Variants in PDCD1LG2 observed in about 807,000 individuals in gnomAD.
The protein encoded by PDCD1LG2 is programmed cell death 1 ligand 2.
Under a neutral mutation model 28.2 loss-of-function variants are expected in PDCD1LG2, and 32 were observed. The observed-to-expected ratio is 1.13, with a 90% CI of 0.86 to 1.52. The LOEUF is 1.52. PDCD1LG2 is among the 40% of genes most tolerant of loss of function. PDCD1LG2 has a pLI of 0.00. For synonymous variants in PDCD1LG2, 116 were observed against 120.2 expected (o/e 0.97, Z 0.23); for missense variants, 385 against 323.8 (o/e 1.19, Z -1.45).
At chr9:5,526,046 C>CAA (rs375299943) in intron 2 of PDCD1LG2, among the ~76,000 whole-genome samples, 52,520 of 117,366 alleles carry the variant, frequency 0.45, 11,376 homozygotes, top group East Asian at 0.63. Context: ...GACTCCGTCT[C>CAA]AAAAAAAAAA....
At chr9:5,556,832 T>A (rs1002515277) in intron 4 of PDCD1LG2, among the ~76,000 whole-genome samples, 2 of 152,184 alleles carry the variant, frequency 1.3e-5, no homozygotes, top group African/African-American at 4.8e-5. Flanking sequence ...TAGCCCTGCC[T>A]TTTGTCAGTC....
chr9:5,525,301 T>C (rs1225618105), intron 2 of PDCD1LG2, among the ~76,000 whole-genome samples: 3 of 149,946 alleles, frequency 2.0e-5, no homozygotes, highest in Non-Finnish European at 2.9e-5. Flanking sequence ...GCTAAGATCA[T>C]GTCACTGTAT....
chr9:5,544,348 G>C (rs572049042), intron 3 of PDCD1LG2, among the ~76,000 whole-genome samples: 2 of 152,342 alleles, frequency 1.3e-5, no homozygotes, highest in East Asian at 3.9e-4. Context: ...AAAGTCACTT[G>C]ACAGACACTG....
chr9:5,514,974 G>A (rs1016569146), intron 1 of PDCD1LG2, among the ~76,000 whole-genome samples: 1 of 152,102 alleles, frequency 6.6e-6, no homozygotes, highest in African/African-American at 2.4e-5. Flanking sequence ...AGATCTTAGT[G>A]AAGTTAGTGA....
At chr9:5,522,737 A>C in intron 2 of PDCD1LG2, 136 bp downstream of exon 2, 2 of 673,798 alleles carry the variant, frequency 3.0e-6, no homozygotes, top group Non-Finnish European at 4.9e-6. Context: ...TATTCCAAGC[A>C]CCACAAAAAA....
chr9:5,546,828 G>C (rs1200538639), intron 3 of PDCD1LG2, among the ~76,000 whole-genome samples: 1 of 152,316 alleles, frequency 6.6e-6, no homozygotes, highest in East Asian at 1.9e-4. Context: ...AAAGATGTCA[G>C]AGCTTTTTGG....
chr9:5,514,917 G>C (rs192434007), intron 1 of PDCD1LG2, among the ~76,000 whole-genome samples: 4 of 152,198 alleles, frequency 2.6e-5, no homozygotes, highest in East Asian at 3.9e-4. Context: ...TTATGAAGGA[G>C]GTAGCCCTGA....
chr9:5,532,050 C>G (rs1820493587), intron 2 of PDCD1LG2, among the ~76,000 whole-genome samples: 1 of 152,084 alleles, frequency 6.6e-6, no homozygotes. Flanking sequence ...TAAGAGGGTC[C>G]CATTATGGAG....
At chr9:5,567,883 C>A (rs1816695746) in intron 6 of PDCD1LG2, among the ~76,000 whole-genome samples, 1 of 152,150 alleles carries the variant, frequency 6.6e-6, no homozygotes, top group Admixed American at 6.5e-5. Context: ...TGGGTTAAAA[C>A]AAAAAGAAGC....
rs79972084 is a variant in PDCD1LG2, at chr9:5,535,123, T to C, written c.361+73T>C. On this transcript the variant is annotated intron_variant, in intron 3 of 6. Transcript: ENST00000397747. ...AGGATCTGCAAGTCACAGAAACCCATTAAAGGTAGCTCAAGCAAAAACAAG... is the reference window on the plus strand; with the variant it reads ...AGGATCTGCAAGTCACAGAAACCCACTAAAGGTAGCTCAAGCAAAAACAAG... The C allele has an allele frequency of 0.017, 23,666 of 1,377,730 alleles. 2,989 individuals are homozygous for C. In the African/African-American group the frequency reaches 0.29, roughly 17 times the overall value. The allele number at this position is 1,377,730 out of a possible 1,614,324, so 85.3% of individuals were successfully genotyped here.
chr9:5,542,930 C>G (rs1005324782), intron 3 of PDCD1LG2, among the ~76,000 whole-genome samples: 1 of 152,054 alleles, frequency 6.6e-6, no homozygotes, highest in Non-Finnish European at 1.5e-5. Context: ...GGAACCAGCC[C>G]AAATGCCCAT....
intron 3 of PDCD1LG2, among the ~76,000 whole-genome samples, chr9:5,536,410 T>A (rs548749774): frequency 6.6e-6 from 1 of 152,310 alleles, no homozygotes; most frequent in African/African-American, 2.4e-5. Context: ...AGGAAAGCCA[T>A]TAGCCTAGAT....
intron 2 of PDCD1LG2, among the ~76,000 whole-genome samples, chr9:5,528,624 C>T (rs1010152737): frequency 3.3e-5 from 5 of 151,892 alleles, no homozygotes; most frequent in Non-Finnish European, 7.4e-5. Flanking sequence ...TTTTTATGTA[C>T]TTATTGTATA....
intron 3 of PDCD1LG2, among the ~76,000 whole-genome samples, chr9:5,544,976 A>C (rs541233000): frequency 2.0e-5 from 3 of 152,348 alleles, no homozygotes; most frequent in Admixed American, 1.3e-4. Context: ...AAAGACTACT[A>C]TCTGGAAATG....
chr9:5,571,242 T>C lies in PDCD1LG2; in HGVS notation c.*1283T>C. 4.3e-6 allele frequency: 1 copy of C among 232,328 alleles called. No homozygotes were observed. The highest frequency in any genetic ancestry group is 5.6e-5 in the Admixed American group (1 of 17,766). 14.4% of individuals were successfully genotyped at this position (232,328 alleles called of 1,614,324 possible). ...ATGCCTTTAAAGAATAAAACTCAAT[T>C]GTTATTCTTCAACGTTCTTTATATA... On this transcript the variant is annotated 3_prime_UTR_variant, in exon 7 of 7. Transcript: ENST00000397747.
intron 3 of PDCD1LG2, among the ~76,000 whole-genome samples, chr9:5,545,138 G>A (rs954225662): frequency 2.6e-5 from 4 of 152,282 alleles, no homozygotes; most frequent in Non-Finnish European, 4.4e-5. Flanking sequence ...TGTTTACTAC[G>A]TTCTAGACAT....
chr9:5,538,612 C>T (rs529142619), intron 3 of PDCD1LG2, among the ~76,000 whole-genome samples: 115 of 151,542 alleles, frequency 7.6e-4, no homozygotes, highest in Non-Finnish European at 1.4e-3. Flanking sequence ...GGCGTTAAGC[C>T]GGGAGGCGGA....
chr9:5,545,532 G>C (rs1451652722), intron 3 of PDCD1LG2, among the ~76,000 whole-genome samples: 1 of 152,186 alleles, frequency 6.6e-6, no homozygotes, highest in African/African-American at 2.4e-5. Context: ...TATTACTAAA[G>C]ATAACAAGGG....
chr9:5,517,395 G>A (rs1298643390), intron 1 of PDCD1LG2, among the ~76,000 whole-genome samples: 3 of 152,156 alleles, frequency 2.0e-5, no homozygotes, highest in African/African-American at 7.2e-5. Flanking sequence ...TGCAATGGAT[G>A]GCGGTTGGTA....
Sources: gnomAD v4.1 joint callset for allele counts (sites outside exome capture counted in the v4.1 genomes callset) on GRCh38, gnomAD v4.1.1 for gene constraint, MANE v1.5 for transcripts, NCBI Gene and HGNC (gene_info 2026-07-23, HGNC 2026-07-21) for gene names.